ABCA4: variants seen among roughly 807,000 people sequenced by gnomAD.
ABCA4 encodes the protein ATP binding cassette subfamily A member 4.
In ABCA4, 196 loss-of-function variants were observed where a neutral mutation model predicts 263.7. The observed-to-expected ratio is 0.74, with a 90% CI of 0.66 to 0.84. The LOEUF (loss-of-function observed/expected upper bound fraction) is 0.84, where lower values mean the gene tolerates loss of function less well. Ranked by LOEUF, ABCA4 falls within the 40% of genes least tolerant of loss-of-function variation. ABCA4 has a pLI of 0.00. For missense variants in ABCA4, 2,792 were observed against 2,855.1 expected, an observed-to-expected ratio of 0.98 and a Z score of 0.50; for synonymous variants, 1,133 against 1,094.2, an observed-to-expected ratio of 1.04 and a Z score of -0.70.
intron 44 of ABCA4, among the ~76,000 whole-genome samples, chr1:94,002,414 T>G (rs1659216923): frequency 6.6e-6 from 1 of 152,346 alleles, no homozygotes; most frequent in East Asian, 1.9e-4. Flanking sequence ...CACATACCTA[T>G]GGAGCACTGA....
intron 16 of ABCA4, among the ~76,000 whole-genome samples, chr1:94,054,387 C>G (rs1022396225): frequency 6.6e-6 from 1 of 152,186 alleles, no homozygotes; most frequent in African/African-American, 2.4e-5. Flanking sequence ...GGTAAGGGGA[C>G]AGGAACCCTG....
At chr1:94,098,047 G>A (rs929831079) in intron 6 of ABCA4, among the ~76,000 whole-genome samples, 4 of 152,222 alleles carry the variant, frequency 2.6e-5, no homozygotes, top group African/African-American at 9.6e-5. Context: ...GTGAGCCACT[G>A]CGCCCGGCCC....
chr1:94,031,169 C>T (rs750238576), intron 27 of ABCA4, 49 bp from the exon 28 acceptor site: 1 of 1,610,488 alleles, frequency 6.2e-7, no homozygotes, highest in Non-Finnish European at 8.5e-7. Context: ...ATGGAGATGT[C>T]ACACGTGCGC....
At position 94,098,844 on chromosome 1, in the gene ABCA4, T is replaced by A; in HGVS notation, c.718A>T (p.Ile240Leu). Residue 240 changes from isoleucine (I) to leucine (L), a missense_variant, in exon 6 of 50, where the codon ATA becomes TTA. Physicochemically the swap from Ile to Leu is conservative, Grantham distance 5. Coordinates refer to ENST00000370225, the MANE Select transcript of ABCA4 (RefSeq NM_000350.3). The stretch of plus-strand genomic sequence containing the variant: ...ACGTTGGCATACAGAGTGTCTTCTA[T>A]CCACTGTAGGGTGCCCTGGGAGAGG... ...CSLSQGTLQW[I>L]EDTLYANVDF... 1.2e-6 allele frequency: 2 copies of A among 1,614,180 alleles called. No individual in the cohort carries two copies. Among genetic ancestry groups the A allele is most frequent in the Non-Finnish European group, 1.7e-6 (2 of 1,180,030 alleles).
At position 94,077,864 on chromosome 1, in the gene ABCA4, T is replaced by A. The variant is rs1400974736; in HGVS notation, c.1380A>T (p.Val460=). The change falls in exon 11 of 50, where the codon GTA becomes GTT. Residue 460 remains valine, a synonymous_variant. Coordinates refer to ENST00000370225, the MANE Select transcript of ABCA4 (RefSeq NM_000350.3). ...MIRDTLGNPT[V]KDFLNRQLGE... is the part of the protein sequence containing the mutation. ...CAAGCTGCCTATTCAAAAAGTCTTT[T>A]ACTGTTGGGTTCCCCAGGGTATCCT... The A allele has an allele frequency of 6.2e-7, 1 of 1,614,248 alleles. No homozygotes were observed. Among genetic ancestry groups the A allele is most frequent in the Non-Finnish European group, 8.5e-7 (1 of 1,180,026 alleles).
chr1:94,098,927 C>T lies in ABCA4; in HGVS notation c.635G>A (p.Arg212His), dbSNP rs6657239. 64,113 of 1,613,470 alleles carry T rather than the reference C, an allele frequency of 0.04. 1,401 individuals carry two copies. Among genetic ancestry groups the T allele is most frequent in the African/African-American group, 0.07 (5,215 of 75,014 alleles). The change falls in exon 6 of 50, where the codon CGC becomes CAC. Residue 212 changes from arginine to histidine, a missense_variant. Coordinates refer to ENST00000370225, the MANE Select transcript of ABCA4 (RefSeq NM_000350.3). ...DIACSEALLE[R>H]FIIFSQRRGA... is the part of the protein sequence containing the mutation. Reference sequence around the variant, plus strand: ...GCGTCTCTGGCTGAAGATGATGAAGCGCTCCAGGAGGGCCTCGCTGCAGGC... The same window carrying T: ...GCGTCTCTGGCTGAAGATGATGAAGTGCTCCAGGAGGGCCTCGCTGCAGGC...
chr1:94,072,025 CA>C (rs1661413482), intron 11 of ABCA4, among the ~76,000 whole-genome samples: 1 of 152,206 alleles, frequency 6.6e-6, no homozygotes, highest in Admixed American at 6.5e-5. Flanking sequence ...ATTACATGAT[CA>C]GCAGCTTTAT....
chr1:94,112,333 T>C (rs192935853), intron 2 of ABCA4, among the ~76,000 whole-genome samples: 7 of 152,346 alleles, frequency 4.6e-5, no homozygotes, highest in Admixed American at 6.5e-5. Flanking sequence ...ATATTCTCTA[T>C]ATTGATTCCT....
At chr1:94,071,813 G>A (rs1661406059) in intron 11 of ABCA4, among the ~76,000 whole-genome samples, 1 of 152,124 alleles carries the variant, frequency 6.6e-6, no homozygotes, top group African/African-American at 2.4e-5. Flanking sequence ...TATGAAATGA[G>A]GTCATTGCCT....
At chr1:94,100,461 G>C (rs1022931150) in intron 5 of ABCA4, among the ~76,000 whole-genome samples, 23 of 152,234 alleles carry the variant, frequency 1.5e-4, no homozygotes, top group Admixed American at 1.2e-3. Context: ...ATAGCTAAGT[G>C]TGTGGCCTTG....
intron 49 of ABCA4, among the ~76,000 whole-genome samples, chr1:93,995,813 A>T (rs951527854): frequency 1.3e-5 from 2 of 152,228 alleles, no homozygotes; most frequent in African/African-American, 4.8e-5. Context: ...GTAAGCAAAA[A>T]CATGGGAAAG....
At chr1:94,029,821 C>A (rs1660148047) in intron 29 of ABCA4, among the ~76,000 whole-genome samples, 190 bp from the exon 30 acceptor site, 1 of 152,152 alleles carries the variant, frequency 6.6e-6, no homozygotes, top group Admixed American at 6.5e-5. Context: ...AGGTGTGGGG[C>A]TGGGGAATAA....
At position 94,038,184 on chromosome 1, in the gene ABCA4, T is replaced by C. The variant is rs369414842; in HGVS notation, c.3608-834A>G. On this transcript the variant is annotated intron_variant, in intron 24 of 49. Transcript: ENST00000370225. ...AGAGGCTGGGGGAGAGGGTAGGATA[T>C]GCGGTGCGTATCATAGACTGTGAAC... Among the ~76,000 whole-genome samples the C allele has an allele frequency of 9.9e-5, 15 of 152,252 alleles. No homozygotes were observed. In the East Asian group the frequency reaches 2.7e-3, roughly 27 times the overall value.
chr1:94,083,850 T>C (rs956425854), intron 6 of ABCA4, among the ~76,000 whole-genome samples: 13 of 152,184 alleles, frequency 8.5e-5, no homozygotes, highest in Admixed American at 8.5e-4. Flanking sequence ...ACTGCAGTCT[T>C]CTCGTCATTG....
At position 94,063,290 on chromosome 1, in the gene ABCA4, A is replaced by G. The variant is rs1399299284; in HGVS notation, c.1582T>C (p.Tyr528His). 1 of 1,614,196 alleles carries G rather than the reference A, an allele frequency of 6.2e-7. No homozygotes were observed. Among genetic ancestry groups the G allele is most frequent in the Non-Finnish European group, 8.5e-7 (1 of 1,180,050 alleles). ...ECLVLDKFES[Y>H]NDETQLTQRA... The stretch of plus-strand genomic sequence containing the variant: ...TGGGTGAGCTGAGTTTCATCATTGT[A>G]GCTTTCAAACTTATCCAGGACCAAG... The change falls in exon 12 of 50, where the codon TAC becomes CAC. Residue 528 changes from tyrosine (Y) to histidine (H), a missense_variant. Coordinates refer to ENST00000370225, the MANE Select transcript of ABCA4 (RefSeq NM_000350.3).
intron 5 of ABCA4, 85 bp from the exon 6 acceptor site, chr1:94,099,076 T>C (rs1364420170): frequency 1.4e-6 from 2 of 1,389,134 alleles, no homozygotes; most frequent in Non-Finnish European, 9.9e-7. Flanking sequence ...GGGAATACCT[T>C]GTGTTACATG....
chr1:94,042,211 G>C (rs914590172), intron 22 of ABCA4, among the ~76,000 whole-genome samples: 1 of 152,140 alleles, frequency 6.6e-6, no homozygotes, highest in Non-Finnish European at 1.5e-5. Context: ...TAGAGCAAGG[G>C]GGAAAGCTCT....
At chr1:94,021,752 A>AT (rs551303378) in intron 33 of ABCA4, 38 bp from the exon 34 acceptor site, 126 of 1,595,354 alleles carry the variant, frequency 7.9e-5, no homozygotes, top group East Asian at 2.7e-4. Context: ...GACGGTTTTA[A>AT]TTTTTTTTTC....
chr1:94,115,798 T>C (rs1450537030), intron 1 of ABCA4, among the ~76,000 whole-genome samples: 1 of 152,192 alleles, frequency 6.6e-6, no homozygotes, highest in Non-Finnish European at 1.5e-5. Context: ...GAGACAGAAT[T>C]AAGCTTATCT....
Sources: allele counts gnomAD v4.1 joint callset (sites outside exome capture counted in the v4.1 genomes callset), GRCh38; gene constraint gnomAD v4.1.1; transcripts MANE v1.5; gene names NCBI Gene and HGNC (gene_info 2026-07-23, HGNC 2026-07-21).